Variants in GALNT13 observed in about 807,000 individuals in gnomAD.
GALNT13 encodes the protein polypeptide N-acetylgalactosaminyltransferase 13.
In GALNT13, 28 loss-of-function variants were observed where a neutral mutation model predicts 64.2. The ratio of observed to expected loss-of-function variants is 0.44; its 90% CI spans 0.32 to 0.60. GALNT13 has a LOEUF of 0.60. Among genes scored for constraint, GALNT13 ranks in the 20% least tolerant of loss-of-function variants. The pLI is 0.05. For synonymous variants in GALNT13, 214 were observed against 224.6 expected (o/e 0.95, Z 0.42); for missense variants, 577 against 669.8 (o/e 0.86, Z 1.53).
chr2:153,309,511 ATCT>A, the GALNT13 span, among the ~76,000 whole-genome samples: 1 of 132,868 alleles, frequency 7.5e-6, no homozygotes, highest in South Asian at 2.4e-4. Flanking sequence ...GTTGATCAAT[ATCT>A]TCTTCTTGAA....
chr2:153,587,845 C>T, the GALNT13 span, among the ~76,000 whole-genome samples: 1 of 152,202 alleles, frequency 6.6e-6, no homozygotes, highest in African/African-American at 2.4e-5. Context: ...TGAGACAAGG[C>T]AAGTCTCTTC....
chr2:153,254,049 G>T, the GALNT13 span, among the ~76,000 whole-genome samples: 11 of 152,264 alleles, frequency 7.2e-5, no homozygotes, highest in Admixed American at 3.9e-4. Context: ...AATGGTACCA[G>T]TTCCTCCTTG....
the GALNT13 span, among the ~76,000 whole-genome samples, chr2:153,562,042 T>G: frequency 1.8e-5 from 2 of 112,798 alleles, no homozygotes; most frequent in East Asian, 3.6e-4. Context: ...CTCTCTCTCT[T>G]TCTCTCTCTC....
At chr2:153,929,657 T>C (rs1690374165) in intron 2 of GALNT13, among the ~76,000 whole-genome samples, 1 of 152,156 alleles carries the variant, frequency 6.6e-6, no homozygotes, top group Non-Finnish European at 1.5e-5. Context: ...GCTCCATCCA[T>C]GTTGCTGCAA....
the GALNT13 span, among the ~76,000 whole-genome samples, chr2:153,706,671 T>C: frequency 6.6e-6 from 1 of 152,208 alleles, no homozygotes; most frequent in Non-Finnish European, 1.5e-5. Context: ...TCTGTCTAGT[T>C]GAACCCCTTT....
the GALNT13 span, among the ~76,000 whole-genome samples, chr2:153,722,589 C>A: frequency 1.3e-5 from 2 of 151,704 alleles, no homozygotes; most frequent in African/African-American, 2.4e-5. Flanking sequence ...AAAGAAGAAT[C>A]AAATAGACAC....
the GALNT13 span, among the ~76,000 whole-genome samples, chr2:153,645,320 T>C: frequency 2.0e-4 from 31 of 152,152 alleles, no homozygotes; most frequent in Non-Finnish European, 4.4e-5. Context: ...TTTTTTCTTT[T>C]CCAATAGCAT....
At chr2:153,240,046 G>T in the GALNT13 span, among the ~76,000 whole-genome samples, 1 of 152,110 alleles carries the variant, frequency 6.6e-6, no homozygotes, top group Non-Finnish European at 1.5e-5. Context: ...TTCAATCTTG[G>T]TAGGTTGGTT....
chr2:153,282,101 T>C, the GALNT13 span, among the ~76,000 whole-genome samples: 12 of 152,222 alleles, frequency 7.9e-5, no homozygotes, highest in African/African-American at 2.9e-4. Flanking sequence ...CTTCATTCTT[T>C]GAAAAAAAAT....
At chr2:153,726,774 C>T in the GALNT13 span, among the ~76,000 whole-genome samples, 2 of 151,522 alleles carry the variant, frequency 1.3e-5, no homozygotes, top group Admixed American at 6.6e-5. Context: ...CCCTGTCTCT[C>T]CTAAAAATAC....
chr2:153,213,901 G>GA, the GALNT13 span, among the ~76,000 whole-genome samples: 1 of 152,210 alleles, frequency 6.6e-6, no homozygotes, highest in South Asian at 2.1e-4. Context: ...TACAAATAAG[G>GA]AAAAAGAGAA....
the GALNT13 span, among the ~76,000 whole-genome samples, chr2:153,116,341 A>T: frequency 6.6e-6 from 1 of 152,158 alleles, no homozygotes; most frequent in African/African-American, 2.4e-5. Flanking sequence ...TTTTTCTTTT[A>T]ATGAACGGAC....
chr2:153,923,579 TG>T (rs1689902951), intron 2 of GALNT13, among the ~76,000 whole-genome samples: 2 of 152,066 alleles, frequency 1.3e-5, no homozygotes, highest in African/African-American at 4.8e-5. Flanking sequence ...CTAGGGTACA[TG>T]TGCACAACAT....
chr2:153,495,313 A>G, the GALNT13 span, among the ~76,000 whole-genome samples: 2 of 149,742 alleles, frequency 1.3e-5, no homozygotes, highest in Admixed American at 6.6e-5. Flanking sequence ...CTGTCTCAAA[A>G]CAAACAAACA....
At chr2:153,533,579 A>G in the GALNT13 span, among the ~76,000 whole-genome samples, 1 of 151,572 alleles carries the variant, frequency 6.6e-6, no homozygotes, top group African/African-American at 2.4e-5. Flanking sequence ...GTTTTGATCT[A>G]TGTTTTGGAA....
the GALNT13 span, among the ~76,000 whole-genome samples, chr2:153,374,074 T>C: frequency 6.6e-6 from 1 of 152,228 alleles, no homozygotes; most frequent in African/African-American, 2.4e-5. Flanking sequence ...TTTAAAACAT[T>C]GGTGTGCAAA....
At chr2:154,066,915 A>G (rs759177436) in intron 3 of GALNT13, among the ~76,000 whole-genome samples, 1 of 152,154 alleles carries the variant, frequency 6.6e-6, no homozygotes, top group Non-Finnish European at 1.5e-5. Context: ...GTCAAAAGTA[A>G]TAACAACAAC....
the GALNT13 span, among the ~76,000 whole-genome samples, chr2:153,816,384 C>T: frequency 0.09 from 13,612 of 151,972 alleles, 829 homozygotes; most frequent in African/African-American, 0.17. Context: ...CCAGGAAAGT[C>T]ATGGTAAGCA....
chr2:154,290,554 G>C (rs1238562450), intron 8 of GALNT13, among the ~76,000 whole-genome samples: 4 of 152,160 alleles, frequency 2.6e-5, no homozygotes, highest in Admixed American at 1.3e-4. Context: ...CCCAGATACT[G>C]GCTTGTTAAA....
Sources: allele counts gnomAD v4.1 joint callset (sites outside exome capture counted in the v4.1 genomes callset), GRCh38; gene constraint gnomAD v4.1.1; transcripts MANE v1.5; gene names NCBI Gene and HGNC (gene_info 2026-07-23, HGNC 2026-07-21).